PALD1: variants seen among roughly 807,000 people sequenced by gnomAD.
PALD1 encodes the protein paladin.
In PALD1, 57 loss-of-function variants were observed where a neutral mutation model predicts 96.0. That is an observed-to-expected ratio of 0.59 (90% CI 0.48 to 0.74). The LOEUF (loss-of-function observed/expected upper bound fraction) is 0.74, where lower values mean the gene tolerates loss of function less well. PALD1 is among the 30% of genes least tolerant of loss of function. The pLI, the probability that PALD1 is intolerant of heterozygous loss-of-function variation, is 0.00. For missense variants in PALD1, 1,063 were observed against 1,143.7 expected (o/e 0.93, Z 1.02); for synonymous variants, 464 against 473.6 (o/e 0.98, Z 0.26).
the PALD1 span, among the ~76,000 whole-genome samples, chr10:70,463,620 T>C: frequency 6.6e-6 from 1 of 151,992 alleles, no homozygotes; most frequent in African/African-American, 2.4e-5. Context: ...ATTCCTGCTG[T>C]CATGGAGCTA....
At chr10:70,548,733 C>T (rs1847419153) in intron 18 of PALD1, among the ~76,000 whole-genome samples, 2 of 152,204 alleles carry the variant, frequency 1.3e-5, no homozygotes, top group South Asian at 2.1e-4. Flanking sequence ...GCCCTATGCT[C>T]GGCTGTAGCT....
intron 4 of PALD1, among the ~76,000 whole-genome samples, chr10:70,530,779 TAA>T (rs1846975762): frequency 6.6e-6 from 1 of 152,168 alleles, no homozygotes; most frequent in Non-Finnish European, 1.5e-5. Context: ...ATCTTGATGA[TAA>T]GTTCCTCAAG....
At chr10:70,507,633 G>T (rs1414776870) in intron 1 of PALD1, among the ~76,000 whole-genome samples, 1 of 152,152 alleles carries the variant, frequency 6.6e-6, no homozygotes, top group East Asian at 1.9e-4. Flanking sequence ...CGTTGCCCAG[G>T]CTGGTCTCGA....
chr10:70,500,704 C>G (rs1444910415), intron 1 of PALD1, among the ~76,000 whole-genome samples: 1 of 152,140 alleles, frequency 6.6e-6, no homozygotes, highest in Admixed American at 6.5e-5. Context: ...CTGTCAGCCT[C>G]TCTGTGCCTC....
intron 1 of PALD1, among the ~76,000 whole-genome samples, chr10:70,519,388 T>G (rs759179384): frequency 6.6e-6 from 1 of 152,026 alleles, no homozygotes; most frequent in Non-Finnish European, 1.5e-5. Context: ...CAGGCCCACT[T>G]TTTCATTGAT....
At chr10:70,552,030 C>T (rs1021798828) in intron 18 of PALD1, among the ~76,000 whole-genome samples, 7 of 152,230 alleles carry the variant, frequency 4.6e-5, no homozygotes, top group African/African-American at 9.6e-5. Context: ...GGACGTCTCT[C>T]GCCACTCACC....
chr10:70,513,822 T>C (rs1218578972), intron 1 of PALD1, among the ~76,000 whole-genome samples: 3 of 152,154 alleles, frequency 2.0e-5, no homozygotes, highest in Admixed American at 6.5e-5. Flanking sequence ...GCAGACCCAC[T>C]TGGAGGCAGG....
intron 18 of PALD1, among the ~76,000 whole-genome samples, chr10:70,564,140 T>G (rs545216061): frequency 2.0e-5 from 3 of 152,224 alleles, no homozygotes; most frequent in South Asian, 4.1e-4. Flanking sequence ...AGAGGGATGC[T>G]CAGGGAGGCC....
At chr10:70,561,943 C>T (rs577729608) in intron 18 of PALD1, among the ~76,000 whole-genome samples, 1 of 152,376 alleles carries the variant, frequency 6.6e-6, no homozygotes, top group African/African-American at 2.4e-5. Context: ...TTCCATCCCC[C>T]TCCAGGCACG....
At chr10:70,559,386 G>A (rs1245040638) in intron 18 of PALD1, among the ~76,000 whole-genome samples, 1 of 152,136 alleles carries the variant, frequency 6.6e-6, no homozygotes, top group Admixed American at 6.5e-5. Flanking sequence ...CAGACTGTGG[G>A]GCCTTTTCTG....
chr10:70,487,043 GTCTC>G (rs1846025508), intron 1 of PALD1, among the ~76,000 whole-genome samples: 1 of 151,904 alleles, frequency 6.6e-6, no homozygotes, highest in Non-Finnish European at 1.5e-5. Flanking sequence ...GTGTGGAGTA[GTCTC>G]TGCTCCAGGG....
chr10:70,504,471 C>G (rs1471383380), intron 1 of PALD1, among the ~76,000 whole-genome samples: 2 of 152,152 alleles, frequency 1.3e-5, no homozygotes, highest in Non-Finnish European at 2.9e-5. Flanking sequence ...TGCAGTGAGC[C>G]GAGATCGTGC....
intron 1 of PALD1, among the ~76,000 whole-genome samples, chr10:70,505,492 TAC>T (rs1406936954): frequency 6.6e-6 from 1 of 151,876 alleles, no homozygotes; most frequent in Admixed American, 6.6e-5. Context: ...TAATTTCACC[TAC>T]TCGGAAGGCT....
At chr10:70,477,794 A>C (rs1204676989), upstream of PALD1, among the ~76,000 whole-genome samples, 2 of 152,196 alleles carry the variant, frequency 1.3e-5, no homozygotes, top group African/African-American at 4.8e-5. Context: ...ATCCAGCTCC[A>C]GTCCTGAATG....
At chr10:70,532,529 C>A in intron 5 of PALD1, 92 bp from the exon 6 acceptor site, 1 of 1,327,472 alleles carries the variant, frequency 7.5e-7, no homozygotes, top group Non-Finnish European at 1.1e-6. Flanking sequence ...GTGGCCTCTG[C>A]ATGGTCTGGT....
intron 1 of PALD1, among the ~76,000 whole-genome samples, chr10:70,482,918 G>A (rs1845958295): frequency 6.6e-6 from 1 of 152,166 alleles, no homozygotes. Flanking sequence ...TATTCTCTCA[G>A]CAGAGGCCAG....
chr10:70,555,244 G>A (rs1847580201), intron 18 of PALD1, among the ~76,000 whole-genome samples: 1 of 151,350 alleles, frequency 6.6e-6, no homozygotes, highest in African/African-American at 2.4e-5. Context: ...CACAGTGCTG[G>A]GATTACAGGT....
intron 9 of PALD1, 90 bp downstream of exon 9, chr10:70,534,614 C>T: frequency 8.8e-7 from 1 of 1,130,366 alleles, no homozygotes. Flanking sequence ...CTTCCCGATA[C>T]CCTCCCCTAC....
intron 16 of PALD1, 45 bp downstream of exon 16, chr10:70,541,287 G>T (rs1366696640): frequency 6.3e-7 from 1 of 1,576,254 alleles, no homozygotes. Context: ...GCCTGGAGGA[G>T]GGTAGACACT....
Sources: allele counts gnomAD v4.1 joint callset (sites outside exome capture counted in the v4.1 genomes callset), GRCh38; gene constraint gnomAD v4.1.1; transcripts MANE v1.5; gene names NCBI Gene and HGNC (gene_info 2026-07-23, HGNC 2026-07-21).